Variants in PRX observed in about 807,000 individuals in gnomAD.
PRX encodes the protein periaxin.
In PRX, 24 loss-of-function variants were observed where a neutral mutation model predicts 29.6. The observed-to-expected ratio is 0.81, with a 90% confidence interval of 0.59 to 1.14. The LOEUF (loss-of-function observed/expected upper bound fraction) is 1.14. Among genes scored for constraint, PRX ranks in the 50% most tolerant of loss-of-function variants. The pLI is 0.00. For synonymous variants in PRX, 772 were observed against 831.7 expected (o/e 0.93, Z 1.24); for missense variants, 1,838 against 1,926.4 (o/e 0.95, Z 0.86).
At position 40,395,158 on chromosome 19, in the gene PRX, G is replaced by C. The variant is rs981510213; in HGVS notation, c.3194C>G (p.Ser1065Cys). The change falls in exon 7 of 7, where the codon TCC (serine) becomes TGC (cysteine). Residue 1065 changes from serine to cysteine, a missense_variant. By Grantham distance (112) the Ser-to-Cys change is moderately radical. Around this residue, in one of 3 missense-constraint regions of PRX, gnomAD observed 1,143 missense variants for 1,193.0 expected, o/e 0.96. Coordinates refer to ENST00000324001, the MANE Select transcript of PRX (RefSeq NM_181882.3). Reference sequence around the variant, plus strand: ...TTCCTTCCCTCGAGCCAGCCCAAAGGAAGGCATCTTCAGCTTGGGCATCTT... The same window carrying C: ...TTCCTTCCCTCGAGCCAGCCCAAAGCAAGGCATCTTCAGCTTGGGCATCTT... Reference protein sequence around the residue: ...RVKMPKLKMPSFGLARGKEAE... With the variant: ...RVKMPKLKMPCFGLARGKEAE... The C allele has an allele frequency of 6.2e-7, 1 of 1,614,164 alleles. No homozygotes were observed. Among genetic ancestry groups the C allele is most frequent in the South Asian group, 1.1e-5 (1 of 91,086 alleles).
At position 40,395,029 on chromosome 19, in the gene PRX, T is replaced by G. The variant is rs907527045; in HGVS notation, c.3323A>C (p.Glu1108Ala). 3 of 1,610,636 alleles carry G rather than the reference T, an allele frequency of 1.9e-6. No homozygotes were observed. ...CACAGCCCCCTCTGCCCTCCCTTCC[T>G]CCTGGGCGCCCAGCGTGACCAGCTC... Reference protein sequence around the residue: ...EVELVTLGAQEEGRAEGAVAV... With the variant: ...EVELVTLGAQAEGRAEGAVAV... The change falls in exon 7 of 7, where the codon GAG (glutamate) becomes GCG (alanine). Residue 1108 changes from glutamate to alanine, a missense_variant. Transcript: ENST00000324001.
At position 40,396,078 on chromosome 19, in the gene PRX, C is replaced by A. The variant is rs770109023; in HGVS notation, c.2274G>T (p.Met758Ile). The A allele has an allele frequency of 1.4e-5, 22 of 1,614,098 alleles. No individual in the cohort carries two copies. Among genetic ancestry groups the A allele is most frequent in the Non-Finnish European group, 1.7e-5 (20 of 1,180,042 alleles). The stretch of plus-strand genomic sequence containing the variant: ...GCACGTCGGGAACCTTCGGCACTTG[C>A]ATTTCCGGCAGCCGAATCTCTGACA... ...PKVSEIRLPEMQVPKVPDVHL... is the reference protein window; with the variant it reads ...PKVSEIRLPEIQVPKVPDVHL... Residue 758 changes from methionine to isoleucine, a missense_variant, in exon 7 of 7, where the codon ATG (methionine) becomes ATT (isoleucine). By Grantham distance (10) the Met-to-Ile change is conservative. Coordinates refer to ENST00000324001, the MANE Select transcript of PRX (RefSeq NM_181882.3).
Position 40,397,771 on chromosome 19 carries a change from C to G in PRX, c.581G>C (p.Arg194Pro). The G allele has an allele frequency of 1.3e-6, 2 of 1,568,122 alleles. No individual in the cohort carries two copies. The highest frequency in any genetic ancestry group is 8.6e-7 in the Non-Finnish European group (1 of 1,157,174). ...ARRRLQLPRLRVREVAEEAQA... is the reference protein window; with the variant it reads ...ARRRLQLPRLPVREVAEEAQA... ...AGCCTCTTCGGCCACTTCTCGTACA[C>G]GCAGCCGAGGCAGCTGGAGGCGCCG... Residue 194 changes from arginine to proline, a missense_variant, in exon 7 of 7, where the codon CGT becomes CCT. By Grantham distance (103) the Arg-to-Pro change is moderately radical. Transcript: ENST00000324001.
chr19:40,399,850 C>CTTTCTTTCTTTCTTTCTTT (rs2079475654), intron 5 of PRX, among the ~76,000 whole-genome samples: 1 of 119,624 alleles, frequency 8.4e-6, no homozygotes, highest in Non-Finnish European at 1.8e-5. Flanking sequence ...AGCTTTCTTT[C>CTTTCTTTCTTTCTTTCTTT]CTTTCTTTCT....
In PRX at chr19:40,396,924, C is replaced by A; in HGVS notation, c.1428G>T (p.Met476Ile). The A allele has an allele frequency of 6.2e-7, 1 of 1,614,210 alleles. No individual in the cohort carries two copies. The highest frequency in any genetic ancestry group is 8.5e-7 in the Non-Finnish European group (1 of 1,180,040). The change falls in exon 7 of 7, where the codon ATG (methionine) becomes ATT (isoleucine). Residue 476 changes from methionine to isoleucine, a missense_variant. Coordinates refer to ENST00000324001, the MANE Select transcript of PRX (RefSeq NM_181882.3). Reference sequence around the variant, plus strand: ...CCATCTCTGGCACCTTTGGGAGTTTCATCTCTGACACCTTGGGGAGCTCCA... The same window carrying A: ...CCATCTCTGGCACCTTTGGGAGTTTAATCTCTGACACCTTGGGGAGCTCCA... The part of the protein sequence containing the change: ...PEVELPKVSE[M>I]KLPKVPEMAV...
chr19:40,407,017 G>A (rs1034566926), intron 4 of PRX, among the ~76,000 whole-genome samples: 5 of 151,734 alleles, frequency 3.3e-5, no homozygotes, highest in Admixed American at 1.3e-4. Context: ...CAAGTGATCC[G>A]CCCGCCTTGG....
chr19:40,413,707 G>T (rs2079569772), upstream of PRX, among the ~76,000 whole-genome samples: 1 of 152,140 alleles, frequency 6.6e-6, no homozygotes, highest in African/African-American at 2.4e-5. Context: ...TGCCTCTACT[G>T]TAAACTCCTT....
intron 5 of PRX, among the ~76,000 whole-genome samples, chr19:40,401,666 T>C (rs928394881): frequency 1.8e-4 from 28 of 152,144 alleles, no homozygotes; most frequent in Admixed American, 5.9e-4. Flanking sequence ...AAGCTAGGCA[T>C]GGTCCCACCT....
At chr19:40,399,493 C>T (rs2079473209) in intron 5 of PRX, among the ~76,000 whole-genome samples, 1 of 152,214 alleles carries the variant, frequency 6.6e-6, no homozygotes, top group Non-Finnish European at 1.5e-5. Flanking sequence ...CCAACACGCA[C>T]ATCTGAACTG....
At chr19:40,406,776 T>TC (rs201748897) in intron 4 of PRX, among the ~76,000 whole-genome samples, 7 of 131,894 alleles carry the variant, frequency 5.3e-5, no homozygotes, top group African/African-American at 2.4e-4. Flanking sequence ...CATTTCTTTT[T>TC]TTTTTTTTTT....
At position 40,403,835 on chromosome 19, in the gene PRX, T is replaced by C. The variant is rs1294360952; in HGVS notation, c.55A>G (p.Ile19Val). Residue 19 changes from isoleucine (I) to valine (V), a missense_variant, in exon 5 of 7, where the codon ATT becomes GTT. Coordinates refer to ENST00000324001, the MANE Select transcript of PRX (RefSeq NM_181882.3). ...GTCTGCGCCTCCGTCTCCACGATAATTTCCACCAACTCCGCCCGCCTCAGC... is the reference window on the plus strand; with the variant it reads ...GTCTGCGCCTCCGTCTCCACGATAACTTCCACCAACTCCGCCCGCCTCAGC... ...EELRRAELVE[I>V]IVETEAQTGV... is the part of the protein sequence containing the mutation. 5 of 1,605,084 alleles carry C rather than the reference T, an allele frequency of 3.1e-6. No individual in the cohort carries two copies. Among genetic ancestry groups the C allele is most frequent in the Non-Finnish European group, 4.2e-6 (5 of 1,178,350 alleles).
chr19:40,406,775 T>TTC (rs200365229), intron 4 of PRX, among the ~76,000 whole-genome samples: 8,052 of 103,746 alleles, frequency 0.078, 810 homozygotes, highest in African/African-American at 0.24. Flanking sequence ...CCATTTCTTT[T>TTC]TTTTTTTTTT....
chr19:40,410,927 T>G (rs2079555734), intron 1 of PRX, among the ~76,000 whole-genome samples: 1 of 152,164 alleles, frequency 6.6e-6, no homozygotes, highest in Admixed American at 6.5e-5. Context: ...ACAATCATAA[T>G]AACAACTGAT....
At position 40,399,851 on chromosome 19, in the gene PRX, C is replaced by CTTTCTTTCTTTCTTTCT. The variant is rs2079476241; in HGVS notation, c.185-1052_185-1036dup. ...GAGCCACTACACCCAGCTTTCTTTC[C>CTTTCTTTCTTTCTTTCT]TTTCTTTCTTTCTTTCTTTCTTTCT... On this transcript the variant is annotated intron_variant, in intron 5 of 6. Coordinates refer to ENST00000324001, the MANE Select transcript of PRX (RefSeq NM_181882.3). Among the ~76,000 whole-genome samples the CTTTCTTTCTTTCTTTCT allele has an allele frequency of 1.6e-4, 2 of 12,704 alleles. 1 individual carries two copies. Among genetic ancestry groups the CTTTCTTTCTTTCTTTCT allele is most frequent in the Non-Finnish European group, 3.7e-4 (2 of 5,464 alleles). 8.3% of individuals were successfully genotyped at this position (12,704 alleles called of 152,430 possible).
Position 40,394,916 on chromosome 19 carries a change from G to C in PRX, c.3436C>G (p.Pro1146Ala), listed in dbSNP as rs1434895762. The change falls in exon 7 of 7, where the codon CCT becomes GCT. Residue 1146 changes from proline (P) to alanine (A), a missense_variant. Around this residue, in one of 3 missense-constraint regions of PRX, gnomAD observed 1,143 missense variants for 1,193.0 expected, o/e 0.96. Coordinates refer to ENST00000324001, the MANE Select transcript of PRX (RefSeq NM_181882.3). The surrounding 1 kb of genome is among the most constrained non-coding windows in gnomAD (Gnocchi z 5.8). ...TGTGGCAGGGAGATGCCCAGCGGAGGCATCCTCAGCCCCGCGTCATGGCCC... is the reference window on the plus strand; with the variant it reads ...TGTGGCAGGGAGATGCCCAGCGGAGCCATCCTCAGCCCCGCGTCATGGCCC... ...TEGHDAGLRMPPLGISLPQVE... is the reference protein window; with the variant it reads ...TEGHDAGLRMAPLGISLPQVE... 1 of 1,610,140 alleles carries C rather than the reference G, an allele frequency of 6.2e-7. No individual in the cohort carries two copies. The highest frequency in any genetic ancestry group is 1.7e-5 in the Admixed American group (1 of 60,010).
chr19:40,394,889 C>G lies in PRX; in HGVS notation c.3463G>C (p.Val1155Leu). ...GCCTCCCCAAAGCCGGTCAGCTCCA[C>G]CTGTGGCAGGGAGATGCCCAGCGGA... ...MPPLGISLPQ[V>L]ELTGFGEAGT... The change falls in exon 7 of 7, where the codon GTG (valine) becomes CTG (leucine). Residue 1155 changes from valine to leucine, a missense_variant. By Grantham distance (32) the Val-to-Leu change is conservative. Coordinates refer to ENST00000324001, the MANE Select transcript of PRX (RefSeq NM_181882.3). The surrounding 1 kb of genome is among the most constrained non-coding windows in gnomAD (Gnocchi z 5.8). The G allele has an allele frequency of 6.2e-7, 1 of 1,611,430 alleles. No homozygotes were observed. Among genetic ancestry groups the G allele is most frequent in the Non-Finnish European group, 8.5e-7 (1 of 1,179,984 alleles).
rs755810123 is a variant in PRX, at chr19:40,395,853, T to C, written c.2499A>G (p.Thr833=). ...CCACCTCTGGCTGCAGACAGGGAAG[T>C]GTTACCAGCTTCCCTGAGACCTCAG... ...AGAEVSGKLV[T]LPCLQPEVDG... The change falls in exon 7 of 7, where the codon ACA becomes ACG. Residue 833 remains threonine (T), a synonymous_variant. Coordinates refer to ENST00000324001, the MANE Select transcript of PRX (RefSeq NM_181882.3). 1.9e-6 allele frequency: 3 copies of C among 1,614,138 alleles called. No individual in the cohort carries two copies. The South Asian group carries it at 3.3e-5, about 18-fold the overall frequency.
intron 1 of PRX, among the ~76,000 whole-genome samples, chr19:40,413,015 C>T (rs1042321097): frequency 3.9e-5 from 6 of 152,238 alleles, no homozygotes; most frequent in Admixed American, 2.0e-4. Flanking sequence ...GCATGAGCCA[C>T]CATGCCTGGC....
rs375703138 is a variant in PRX at position 40,397,277 on chromosome 19, G to A, written c.1075C>T (p.Arg359Cys). ...EAPEVALKMP[R>C]LSFPRFGARA... Reference sequence around the variant, plus strand: ...GCCCCAAATCGGGGAAAACTAAGGCGGGGCATCTTCAGGGCCACCTCAGGT... The same window carrying A: ...GCCCCAAATCGGGGAAAACTAAGGCAGGGCATCTTCAGGGCCACCTCAGGT... Residue 359 changes from arginine (R) to cysteine (C), a missense_variant, in exon 7 of 7, where the codon CGC (arginine) becomes TGC (cysteine). Transcript: ENST00000324001. The A allele has an allele frequency of 9.9e-6, 16 of 1,613,450 alleles. No homozygotes were observed. The highest frequency in any genetic ancestry group is 4.4e-5 in the South Asian group (4 of 91,090).
Sources: gnomAD v4.1 joint callset for allele counts (sites outside exome capture counted in the v4.1 genomes callset) on GRCh38, gnomAD v4.1.1 for gene constraint, gnomAD v4.1.1 regional missense constraint, Gnocchi (gnomAD v3.1) non-coding constraint, MANE v1.5 for transcripts, NCBI Gene and HGNC (gene_info 2026-07-23, HGNC 2026-07-21) for gene names.